Variants in HLCS observed in about 807,000 individuals in gnomAD.
HLCS encodes the protein holocarboxylase synthetase.
Under a neutral mutation model 75.0 loss-of-function variants are expected in HLCS, and 53 were observed. The ratio of observed to expected loss-of-function variants is 0.71; its 90% CI spans 0.57 to 0.89. HLCS has a LOEUF of 0.89. Among genes scored for constraint, HLCS ranks in the 40% least tolerant of loss-of-function variants. The probability of loss-of-function intolerance (pLI) is 0.00; values close to 1 mark genes in which losing one functional copy is unlikely to be tolerated. For synonymous variants in HLCS, 431 were observed against 428.6 expected, an observed-to-expected ratio of 1.01 and a Z score of -0.07; for missense variants, 966 against 1,074.0, an observed-to-expected ratio of 0.90 and a Z score of 1.41.
chr21:36,873,807 C>T (rs2063855795), intron 6 of HLCS, among the ~76,000 whole-genome samples: 1 of 152,090 alleles, frequency 6.6e-6, no homozygotes. Context: ...CACTATGTTG[C>T]CCAGGCTGGT....
In HLCS at chr21:36,897,084, G is replaced by A. The variant is rs771923409; in HGVS notation, c.1668C>T (p.Ser556=). ...GCTGGCCGGATTTTATTTCTCCCTCGGAGTCCACATGTTTCCCAAGCCACT... is the reference window on the plus strand; with the variant it reads ...GCTGGCCGGATTTTATTTCTCCCTCAGAGTCCACATGTTTCCCAAGCCACT... ...LMQWLGKHVD[S]EGEIKSGQLS... is the part of the protein sequence containing the mutation. Residue 556 remains serine (S), a synonymous_variant, in exon 6 of 11, where the codon TCC becomes TCT. Transcript: ENST00000674895. The A allele has an allele frequency of 5.0e-6, 8 of 1,613,878 alleles. No homozygotes were observed. Among genetic ancestry groups the A allele is most frequent in the East Asian group, 4.5e-5 (2 of 44,892 alleles).
chr21:36,888,050 T>C (rs766334132), intron 6 of HLCS, among the ~76,000 whole-genome samples: 63 of 152,262 alleles, frequency 4.1e-4, no homozygotes, highest in Middle Eastern at 3.4e-3. Context: ...TTTCAAACTT[T>C]ATGACAGGTC....
At chr21:36,797,951 A>C (rs1389148851) in intron 6 of HLCS, among the ~76,000 whole-genome samples, 1 of 152,198 alleles carries the variant, frequency 6.6e-6, no homozygotes, top group East Asian at 1.9e-4. Flanking sequence ...CAAATATGCA[A>C]ATACAGACAC....
intron 10 of HLCS, 46 bp from the exon 11 acceptor site, chr21:36,754,463 C>G (rs8133818): frequency 1.3e-6 from 2 of 1,576,860 alleles, no homozygotes; most frequent in Non-Finnish European, 1.7e-6. Context: ...TGTCACAGGA[C>G]GACTTAAGAC....
intron 6 of HLCS, among the ~76,000 whole-genome samples, chr21:36,888,472 A>T (rs1569149761): frequency 1.9e-5 from 2 of 103,220 alleles, no homozygotes; most frequent in Admixed American, 1.0e-4. Context: ...ATATATATAT[A>T]TATATATATA....
In HLCS at chr21:36,896,787, C is replaced by T. The variant is rs1043560998; in HGVS notation, c.1892+73G>A. The T allele has an allele frequency of 1.3e-4, 201 of 1,526,338 alleles. 1 individual carries two copies. The highest frequency in any genetic ancestry group is 3.0e-5 in the Non-Finnish European group (33 of 1,100,804). 94.5% of individuals were successfully genotyped at this position (1,526,338 alleles called of 1,614,324 possible). ...TTCCTCTACAACTCTATCCCCTCCC[C>T]GTCTATTGGTAAGAGAGGATGATCA... is the stretch of plus-strand genomic sequence containing the variant. On this transcript the variant is annotated intron_variant, in intron 6 of 10. Coordinates refer to ENST00000674895, the MANE Select transcript of HLCS (RefSeq NM_001352514.2).
At position 36,796,857 on chromosome 21, in the gene HLCS, T is replaced by C. The variant is rs529581521; in HGVS notation, c.1893-29572A>G. 3.4e-5 allele frequency among the ~76,000 whole-genome samples: 5 copies of C among 148,374 alleles called. No individual in the cohort carries two copies. The South Asian group carries it at 1.1e-3, about 33-fold the overall frequency. On this transcript the variant is annotated intron_variant, in intron 6 of 10. Coordinates refer to ENST00000674895, the MANE Select transcript of HLCS (RefSeq NM_001352514.2). Reference sequence around the variant, plus strand: ...ATCCACAAGTTTATTAAAGTGACTTTTTATCATGATCTTTTTTTTTTTTTC... The same window carrying C: ...ATCCACAAGTTTATTAAAGTGACTTCTTATCATGATCTTTTTTTTTTTTTC...
chr21:36,974,281 C>T (rs2068877282), intron 1 of HLCS: 1 of 152,302 alleles, frequency 6.6e-6, no homozygotes, highest in Non-Finnish European at 1.5e-5. Context: ...CGCCCCATGG[C>T]GGAACTTCAC....
chr21:36,950,649 T>A (rs934526425), intron 2 of HLCS, among the ~76,000 whole-genome samples: 10 of 145,616 alleles, frequency 6.9e-5, no homozygotes, highest in African/African-American at 1.0e-4. Context: ...TTTTTTTTTT[T>A]AATTTCTTGT....
chr21:36,952,890 G>C (rs2146612628), intron 2 of HLCS, among the ~76,000 whole-genome samples: 1 of 151,344 alleles, frequency 6.6e-6, no homozygotes, highest in Admixed American at 6.6e-5. Context: ...AATGATAGCT[G>C]TGACAGAGAT....
intron 2 of HLCS, among the ~76,000 whole-genome samples, chr21:36,956,635 CAGG>C (rs1397766992): frequency 6.6e-6 from 1 of 152,048 alleles, no homozygotes; most frequent in Non-Finnish European, 1.5e-5. Context: ...GAGGCTGAGG[CAGG>C]AGAATGGCAT....
chr21:36,885,507 CAAAA>C (rs932826438), intron 6 of HLCS, among the ~76,000 whole-genome samples: 6 of 91,650 alleles, frequency 6.5e-5, no homozygotes, highest in Non-Finnish European at 1.1e-4. Flanking sequence ...GATCCTGTCT[CAAAA>C]AAAAAAAAAA....
Position 36,840,074 on chromosome 21 carries a change from T to C in HLCS, c.1892+56786A>G, listed in dbSNP as rs563600485. On this transcript the variant is annotated intron_variant, in intron 6 of 10. Coordinates refer to ENST00000674895, the MANE Select transcript of HLCS (RefSeq NM_001352514.2). Reference sequence around the variant, plus strand: ...ATAAAGGTTAAGGATGTACCTTAAATAGCTCACAAACAGGAAAAGCATGTG... The same window carrying C: ...ATAAAGGTTAAGGATGTACCTTAAACAGCTCACAAACAGGAAAAGCATGTG... 5.3e-5 allele frequency among the ~76,000 whole-genome samples: 8 copies of C among 152,354 alleles called. No individual in the cohort carries two copies. The East Asian group carries it at 1.2e-3, about 22-fold the overall frequency.
rs1376645079 is a variant in HLCS at position 36,854,730 on chromosome 21, G to T, written c.1892+42130C>A. ...GAACGTAGTGCTCAGAGGGGCCAAG[G>T]ATTCACGATGTCTTGCAACACACAA... is the stretch of plus-strand genomic sequence containing the variant. On this transcript the variant is annotated intron_variant, in intron 6 of 10. Coordinates refer to ENST00000674895, the MANE Select transcript of HLCS (RefSeq NM_001352514.2). Among the ~76,000 whole-genome samples, 3 of 152,134 alleles carry T rather than the reference G, an allele frequency of 2.0e-5. No homozygotes were observed. The East Asian group carries it at 5.8e-4, about 29-fold the overall frequency.
At chr21:36,977,518 C>T (rs11909178) in intron 1 of HLCS, among the ~76,000 whole-genome samples, 2 of 152,198 alleles carry the variant, frequency 1.3e-5, no homozygotes, top group African/African-American at 2.4e-5. Flanking sequence ...TGCACAGAGG[C>T]AGCTTTAAGA....
intron 1 of HLCS, among the ~76,000 whole-genome samples, chr21:36,981,395 C>CT (rs11328067): frequency 0.04 from 3,609 of 91,246 alleles, 93 homozygotes; most frequent in African/African-American, 0.049. Flanking sequence ...CTTAACCTTC[C>CT]TTTTTTTTTT....
chr21:36,901,262 G>GA (rs964599014), intron 5 of HLCS, among the ~76,000 whole-genome samples: 109 of 148,994 alleles, frequency 7.3e-4, no homozygotes, highest in Non-Finnish European at 1.3e-3. Flanking sequence ...TTTAAAAAAG[G>GA]AAAAAAAAAA....
intron 2 of HLCS, among the ~76,000 whole-genome samples, chr21:36,944,565 C>A (rs780863086): frequency 1.3e-5 from 2 of 151,980 alleles, no homozygotes; most frequent in Admixed American, 1.3e-4. Context: ...AGGACAATTT[C>A]TTTATTTTTT....
intron 6 of HLCS, among the ~76,000 whole-genome samples, chr21:36,771,219 CAAATAAAT>C (rs749446913): frequency 1.5e-4 from 21 of 142,318 alleles, no homozygotes; most frequent in African/African-American, 2.1e-4. Context: ...GACTCCGTCT[CAAATAAAT>C]AAATAAATAA....
Sources: allele counts gnomAD v4.1 joint callset (sites outside exome capture counted in the v4.1 genomes callset), GRCh38; gene constraint gnomAD v4.1.1; transcripts MANE v1.5; gene names NCBI Gene and HGNC (gene_info 2026-07-23, HGNC 2026-07-21).